RNF24: variants seen among roughly 807,000 people sequenced by gnomAD.
The protein encoded by RNF24 is ring finger protein 24.
Under a neutral mutation model 20.0 loss-of-function variants are expected in RNF24, and 14 were observed. The ratio of observed to expected loss-of-function variants is 0.70; its 90% CI spans 0.46 to 1.10. The LOEUF (loss-of-function observed/expected upper bound fraction) is 1.10, where lower values mean the gene tolerates loss of function less well. Ranked by LOEUF, RNF24 falls within the 50% of genes least tolerant of loss-of-function variation. The probability of loss-of-function intolerance (pLI) is 0.00; values close to 1 mark genes in which losing one functional copy is unlikely to be tolerated. For missense variants in RNF24, 124 were observed against 177.6 expected (o/e 0.70, Z 1.71); for synonymous variants, 45 against 61.1 (o/e 0.74, Z 1.23).
At chr20:3,987,620 A>G (rs528820729) in intron 1 of RNF24, among the ~76,000 whole-genome samples, 8 of 152,200 alleles carry the variant, frequency 5.3e-5, no homozygotes, top group Non-Finnish European at 8.8e-5. Context: ...AGCATAACAG[A>G]TATCTGCAGA....
chr20:3,986,182 T>A (rs1422347209), intron 1 of RNF24, among the ~76,000 whole-genome samples: 1 of 152,234 alleles, frequency 6.6e-6, no homozygotes, highest in East Asian at 1.9e-4. Flanking sequence ...TTTTAACTGT[T>A]CTTTTCACAG....
intron 1 of RNF24, among the ~76,000 whole-genome samples, chr20:4,010,711 C>T (rs533950822): frequency 1.7e-4 from 26 of 152,148 alleles, no homozygotes; most frequent in Non-Finnish European, 3.2e-4. Flanking sequence ...AAAACTTAAT[C>T]CCCTCTCTCA....
Position 3,941,593 on chromosome 20 carries a change from G to A in RNF24, c.228+3584C>T, listed in dbSNP as rs936765437. Among the ~76,000 whole-genome samples, 3 of 151,954 alleles carry A rather than the reference G, an allele frequency of 2.0e-5. No homozygotes were observed. In the South Asian group the frequency reaches 6.2e-4, roughly 31 times the overall value. On this transcript the variant is annotated intron_variant, in intron 4 of 5. Transcript: ENST00000358395. ...AAAGGAAAATAGAGAATGAAAAAGA[G>A]AGAGAAAAGCAGAAGACAAAAAAAA...
intron 1 of RNF24, among the ~76,000 whole-genome samples, chr20:3,966,574 T>C (rs937286770): frequency 1.1e-4 from 16 of 151,228 alleles, no homozygotes; most frequent in African/African-American, 3.6e-4. Flanking sequence ...ACAAAAATCA[T>C]GTCTCTGGAG....
intron 1 of RNF24, among the ~76,000 whole-genome samples, chr20:4,005,990 T>A (rs891217316): frequency 6.6e-6 from 1 of 152,218 alleles, no homozygotes; most frequent in Non-Finnish European, 1.5e-5. Flanking sequence ...AAGAACTGTA[T>A]CTGATACAAG....
In RNF24 at chr20:3,966,469, AGTGTGTGTGTGT is replaced by A. The variant is rs72006955; in HGVS notation, c.-7-2457_-7-2446del. On this transcript the variant is annotated intron_variant, in intron 1 of 5. Transcript: ENST00000358395. ...AAGAGGACAAAACTATTAAGGCTTTAGTGTGTGTGTGTGTGTGTGTGTGTGTGTGTGTGTGTG... is the reference window on the plus strand; with the variant it reads ...AAGAGGACAAAACTATTAAGGCTTTAGTGTGTGTGTGTGTGTGTGTGTGTG... Among the ~76,000 whole-genome samples the A allele has an allele frequency of 1.7e-3, 221 of 129,310 alleles. 1 individual carries two copies. Among genetic ancestry groups the A allele is most frequent in the African/African-American group, 6.0e-3 (210 of 35,110 alleles). The allele number at this position is 129,310 out of a possible 152,430, so 84.8% of individuals were successfully genotyped here.
At position 3,934,076 on chromosome 20, in the gene RNF24, T is replaced by C; in HGVS notation, c.434A>G (p.Glu145Gly). The change falls in exon 6 of 6, where the codon GAG (glutamate) becomes GGG (glycine). Residue 145 changes from glutamate to glycine, a missense_variant. By Grantham distance (98) the Glu-to-Gly change is moderately conservative. Transcript: ENST00000358395. This position sits in a 1 kb window ranked among gnomAD's most constrained non-coding sequence, Gnocchi z 4.0. ...GPPQGPLPGAENIV is the reference protein window; with the variant it reads ...GPPQGPLPGAGNIV ...CCTTGCGGTAAGCTATACAATGTTC[T>C]CTGCCCCAGGAAGGGGCCCCTGAGG... 1 of 1,504,640 alleles carries C rather than the reference T, an allele frequency of 6.6e-7. No individual in the cohort carries two copies. 93.2% of individuals were successfully genotyped at this position (1,504,640 alleles called of 1,614,324 possible). A position where few individuals can be genotyped will look rare whatever the true frequency, so the allele number is the denominator to read the frequency against.
At chr20:4,008,447 TATATA>T (rs1214574701) in intron 1 of RNF24, among the ~76,000 whole-genome samples, 4 of 15,478 alleles carry the variant, frequency 2.6e-4, no homozygotes, top group East Asian at 6.5e-4. Flanking sequence ...ATGTATAATA[TATATA>T]ATATATAATA....
At position 4,008,452 on chromosome 20, in the gene RNF24, A is replaced by T. The variant is rs866818559; in HGVS notation, c.-8+6985T>A. Reference sequence around the variant, plus strand: ...AATATATAATATGTATAATATATATAATATATAATATATAATATGTATAAT... The same window carrying T: ...AATATATAATATGTATAATATATATTATATATAATATATAATATGTATAAT... On this transcript the variant is annotated intron_variant, in intron 1 of 5. Coordinates refer to ENST00000358395, the MANE Select transcript of RNF24 (RefSeq NM_001134337.3). 4.2e-3 allele frequency among the ~76,000 whole-genome samples: 192 copies of T among 45,702 alleles called. 7 individuals carry two copies. Among genetic ancestry groups the T allele is most frequent in the African/African-American group, 0.01 (125 of 12,188 alleles). The allele number at this position is 45,702 out of a possible 152,430, so 30.0% of individuals were successfully genotyped here.
chr20:3,980,854 A>G lies in RNF24; in HGVS notation c.-7-16830T>C, dbSNP rs541786262. On this transcript the variant is annotated intron_variant, in intron 1 of 5. Transcript: ENST00000358395. ...TAGCAATTTCCAGCTCTATACAGAA[A>G]AAGGTCAGATCTAATAACCCTGGGC... Among the ~76,000 whole-genome samples, 548 of 152,174 alleles carry G rather than the reference A, an allele frequency of 3.6e-3. 2 individuals carry two copies. Among genetic ancestry groups the G allele is most frequent in the Non-Finnish European group, 6.2e-3 (419 of 68,020 alleles).
intron 1 of RNF24, among the ~76,000 whole-genome samples, chr20:3,989,555 C>T (rs1980239566): frequency 6.6e-6 from 1 of 152,032 alleles, no homozygotes; most frequent in South Asian, 2.1e-4. Context: ...ATGAACAGGA[C>T]AGAATAGAAA....
intron 1 of RNF24, among the ~76,000 whole-genome samples, chr20:3,989,674 A>G (rs1290113961): frequency 6.6e-6 from 1 of 152,112 alleles, no homozygotes; most frequent in Non-Finnish European, 1.5e-5. Flanking sequence ...ATGTGACTAA[A>G]ACTTGTCAGC....
chr20:3,983,529 C>A (rs1029544794), intron 1 of RNF24, among the ~76,000 whole-genome samples: 1 of 151,938 alleles, frequency 6.6e-6, no homozygotes, highest in Non-Finnish European at 1.5e-5. Flanking sequence ...CACAGAATAC[C>A]CAGCTTGGAG....
chr20:3,982,103 G>GTGTCTCTCTCTCTCTCTC (rs1555799854), intron 1 of RNF24, among the ~76,000 whole-genome samples: 1 of 137,026 alleles, frequency 7.3e-6, no homozygotes, highest in African/African-American at 2.8e-5. Context: ...GTGAGACCTC[G>GTGTCTCTCTCTCTCTCTC]TCTCTCTCTC....
At chr20:3,986,992 C>T (rs1342366039) in intron 1 of RNF24, among the ~76,000 whole-genome samples, 4 of 152,154 alleles carry the variant, frequency 2.6e-5, no homozygotes, top group Non-Finnish European at 4.4e-5. Flanking sequence ...ACTGCAGCCT[C>T]AAACTCCTAG....
intron 1 of RNF24, among the ~76,000 whole-genome samples, chr20:3,992,491 T>C (rs868016679): frequency 2.4e-4 from 37 of 151,456 alleles, no homozygotes; most frequent in Admixed American, 5.9e-4. Context: ...TAAAATTTCA[T>C]CACAGGTACC....
intron 2 of RNF24, among the ~76,000 whole-genome samples, chr20:3,948,836 C>A (rs1335560281): frequency 1.3e-5 from 2 of 152,134 alleles, no homozygotes; most frequent in Non-Finnish European, 2.9e-5. Context: ...TGTTTGGTTT[C>A]TTTCAGTCTA....
intron 4 of RNF24, among the ~76,000 whole-genome samples, chr20:3,939,514 G>T (rs1414148236): frequency 6.6e-6 from 1 of 152,156 alleles, no homozygotes; most frequent in East Asian, 1.9e-4. Context: ...ATAAATGTTT[G>T]AATTTATTTT....
chr20:3,942,754 T>G (rs951028226), intron 4 of RNF24, among the ~76,000 whole-genome samples: 2 of 151,872 alleles, frequency 1.3e-5, no homozygotes, highest in Admixed American at 6.6e-5. Context: ...ATTACAGGCG[T>G]GAGCCACCGC....
Sources: gnomAD v4.1 joint callset for allele counts (sites outside exome capture counted in the v4.1 genomes callset) on GRCh38, gnomAD v4.1.1 for gene constraint, Gnocchi (gnomAD v3.1) non-coding constraint, MANE v1.5 for transcripts, NCBI Gene and HGNC (gene_info 2026-07-23, HGNC 2026-07-21) for gene names.